OPTN: variants seen among roughly 807,000 people sequenced by gnomAD.
The protein encoded by OPTN is E3-14.7K-interacting protein.
A neutral mutation model predicts 70.4 loss-of-function variants in OPTN; 54 were observed. The observed-to-expected ratio is 0.77, with a 90% CI of 0.62 to 0.96. OPTN has a LOEUF of 0.96. Among genes scored for constraint, OPTN ranks in the 40% least tolerant of loss-of-function variants. The pLI is 0.00. For missense variants in OPTN, 624 were observed against 673.2 expected (o/e 0.93, Z 0.81); for synonymous variants, 256 against 248.5 (o/e 1.03, Z -0.28).
intron 1 of OPTN, among the ~76,000 whole-genome samples, chr10:13,101,355 T>C (rs1832739623): frequency 6.6e-6 from 1 of 152,188 alleles, no homozygotes; most frequent in East Asian, 1.9e-4. Context: ...ACCTTTAGGT[T>C]GCATATTATG....
rs186723919 is a variant in OPTN, at chr10:13,121,577, T to C, written c.780-808T>C. On this transcript the variant is annotated intron_variant, in intron 7 of 14. Transcript: ENST00000378747. ...AGGCATCCTTGTCTTGTTCCTAATC[T>C]TAGGGGGAAAGCTAAGGCCCCACCT... 4.1e-4 allele frequency among the ~76,000 whole-genome samples: 62 copies of C among 151,070 alleles called. No homozygotes were observed. The Middle Eastern group carries it at 0.017, about 42-fold the overall frequency.
chr10:13,105,808 T>C (rs532144), intron 1 of OPTN, among the ~76,000 whole-genome samples: 116,033 of 151,862 alleles, frequency 0.76, 45,792 homozygotes, highest in Non-Finnish European at 0.88. Flanking sequence ...ACTTGGGAGG[T>C]TGAGGCAGGA....
chr10:13,100,893 G>C (rs1439059263), intron 1 of OPTN, among the ~76,000 whole-genome samples: 2 of 152,222 alleles, frequency 1.3e-5, no homozygotes, highest in African/African-American at 4.8e-5. Context: ...CCCAGGTTCC[G>C]ACCTGGCCTC....
At chr10:13,111,833 G>C (rs900563145) in intron 4 of OPTN, among the ~76,000 whole-genome samples, 96 of 130,256 alleles carry the variant, frequency 7.4e-4, no homozygotes, top group Non-Finnish European at 1.1e-3. Flanking sequence ...ATTTGTATTT[G>C]TTTTTTGACT....
chr10:13,126,576 G>C (rs1006114456), intron 11 of OPTN, among the ~76,000 whole-genome samples: 1 of 149,376 alleles, frequency 6.7e-6, no homozygotes, highest in Non-Finnish European at 1.5e-5. Flanking sequence ...CACCGCGCCC[G>C]GCCAGCACTT....
Position 13,110,355 on chromosome 10 carries a change from G to A in OPTN, c.248G>A (p.Arg83His). 4 of 1,614,104 alleles carry A rather than the reference G, an allele frequency of 2.5e-6. No individual in the cohort carries two copies. The highest frequency in any genetic ancestry group is 1.3e-5 in the African/African-American group (1 of 75,028). Residue 83 changes from arginine (R) to histidine (H), a missense_variant, in exon 4 of 15, where the codon CGC becomes CAC. Coordinates refer to ENST00000378747, the MANE Select transcript of OPTN (RefSeq NM_001008212.2). ...TGGACAGAGAAACAGAAGGAAGAAC[G>A]CCAGTTTTTTGAGATACAGAGCAAA... ...SAWTEKQKEE[R>H]QFFEIQSKEA...
intron 6 of OPTN, among the ~76,000 whole-genome samples, chr10:13,116,806 A>C (rs1398103105): frequency 6.6e-6 from 1 of 152,040 alleles, no homozygotes; most frequent in East Asian, 1.9e-4. Flanking sequence ...GACTGATAGC[A>C]CTCTCAGTCA....
intron 7 of OPTN, among the ~76,000 whole-genome samples, chr10:13,120,669 A>G (rs1833328301): frequency 6.6e-6 from 1 of 152,056 alleles, no homozygotes; most frequent in Non-Finnish European, 1.5e-5. Context: ...ATAGGAGTTC[A>G]ACTTCATTAG....
In OPTN at chr10:13,137,201, C is replaced by T. The variant is rs1251482519; in HGVS notation, c.*335C>T. The T allele has an allele frequency of 1.4e-5, 6 of 416,754 alleles. No homozygotes were observed. The highest frequency in any genetic ancestry group is 4.0e-5 in the African/African-American group (2 of 49,998). 25.8% of individuals were successfully genotyped at this position (416,754 alleles called of 1,614,324 possible). ...GGTTGAGGCAGGAGAATTGCTTGAA[C>T]CCAGGAAGTGGCAGTTGCAGTGAGC... On this transcript the variant is annotated 3_prime_UTR_variant, in exon 15 of 15. Coordinates refer to ENST00000378747, the MANE Select transcript of OPTN (RefSeq NM_001008212.2).
At chr10:13,111,093 C>T (rs1832985244) in intron 4 of OPTN, among the ~76,000 whole-genome samples, 1 of 152,098 alleles carries the variant, frequency 6.6e-6, no homozygotes, top group South Asian at 2.1e-4. Flanking sequence ...TTTGAAATCC[C>T]CACTGGGCGT....
In OPTN at chr10:13,124,085, C is replaced by A; in HGVS notation, c.973C>A (p.Leu325Ile). The change falls in exon 9 of 15, where the codon CTA becomes ATA. Residue 325 changes from leucine to isoleucine, a missense_variant. Coordinates refer to ENST00000378747, the MANE Select transcript of OPTN (RefSeq NM_001008212.2). ...TCATACAAAACTCAGCGAAGCTGAG[C>A]TAATGAAGAAGAGACTTCAAGAAAA... ...EAHTKLSEAE[L>I]MKKRLQEKCQ... The A allele has an allele frequency of 3.1e-6, 5 of 1,609,080 alleles. No homozygotes were observed. The South Asian group carries it at 4.4e-5, about 14-fold the overall frequency.
chr10:13,109,084 C>G (rs1383280424), intron 2 of OPTN, 28 bp from the exon 3 acceptor site: 1 of 1,611,306 alleles, frequency 6.2e-7, no homozygotes, highest in South Asian at 1.1e-5. Flanking sequence ...GGGGACAGCT[C>G]TATTTTCAAC....
intron 3 of OPTN, chr10:13,109,596 CAGA>C (rs1832948561): frequency 2.9e-6 from 1 of 339,196 alleles, no homozygotes; most frequent in South Asian, 2.9e-5. Context: ...GAGGCCGAGG[CAGA>C]AGGATTGCTT....
intron 4 of OPTN, 73 bp downstream of exon 4, chr10:13,110,549 T>C: frequency 7.2e-7 from 1 of 1,383,198 alleles, no homozygotes; most frequent in Non-Finnish European, 1.0e-6. Flanking sequence ...CTTACGTGTC[T>C]AGACTCCTAG....
At chr10:13,116,237 GT>G (rs1564360389) in intron 5 of OPTN, 29 bp from the exon 6 acceptor site, 1 of 1,397,112 alleles carries the variant, frequency 7.2e-7, no homozygotes, top group African/African-American at 1.4e-5. Context: ...GACATATTGT[GT>G]TAAATCCCTT....
intron 1 of OPTN, among the ~76,000 whole-genome samples, chr10:13,107,928 G>T (rs1165496179): frequency 6.6e-6 from 1 of 152,094 alleles, no homozygotes; most frequent in East Asian, 1.9e-4. Flanking sequence ...TGTTTGCCTG[G>T]GTGGTTGGTA....
intron 14 of OPTN, 108 bp downstream of exon 14, chr10:13,133,689 C>A: frequency 3.2e-6 from 3 of 929,522 alleles, no homozygotes; most frequent in Non-Finnish European, 5.1e-6. Context: ...ATCAAGGCAC[C>A]AAAAATATAG....
chr10:13,120,235 G>A lies in OPTN; in HGVS notation c.779+1195G>A, dbSNP rs189419702. On this transcript the variant is annotated intron_variant, in intron 7 of 14. Transcript: ENST00000378747. ...GATCTCCTGACCTCGTGATCTGCCC[G>A]CCTCAGCCTCCCAAAGCGCTGGGAT... is the stretch of plus-strand genomic sequence containing the variant. 2.0e-3 allele frequency among the ~76,000 whole-genome samples: 302 copies of A among 151,766 alleles called. 7 individuals are homozygous for A. The East Asian group carries it at 0.046, about 23-fold the overall frequency.
chr10:13,113,550 C>T (rs1801866830), intron 5 of OPTN, among the ~76,000 whole-genome samples: 1 of 152,062 alleles, frequency 6.6e-6, no homozygotes, highest in Non-Finnish European at 1.5e-5. Flanking sequence ...GTGGGCTAAG[C>T]GAGGGGGCCC....
Sources: gnomAD v4.1 joint callset for allele counts (sites outside exome capture counted in the v4.1 genomes callset) on GRCh38, gnomAD v4.1.1 for gene constraint, MANE v1.5 for transcripts, NCBI Gene and HGNC (gene_info 2026-07-23, HGNC 2026-07-21) for gene names.